TTC23: variants seen among roughly 807,000 people sequenced by gnomAD.
TTC23 encodes the protein tetratricopeptide repeat protein 23.
In TTC23, 58 loss-of-function variants were observed where a neutral mutation model predicts 55.1. That is an observed-to-expected ratio of 1.05 (90% CI 0.85 to 1.31). The LOEUF is 1.31. TTC23 is among the 50% of genes most tolerant of loss of function. The pLI, the probability that TTC23 is intolerant of heterozygous loss-of-function variation, is 0.00. For synonymous variants in TTC23, 203 were observed against 199.9 expected, an observed-to-expected ratio of 1.02 and a Z score of -0.13; for missense variants, 516 against 534.4, an observed-to-expected ratio of 0.97 and a Z score of 0.34.
At chr15:99,202,047 C>A (rs1343360695) in intron 8 of TTC23, among the ~76,000 whole-genome samples, 1 of 152,142 alleles carries the variant, frequency 6.6e-6, no homozygotes, top group Non-Finnish European at 1.5e-5. Flanking sequence ...CATGCCCATT[C>A]GTTTACATAT....
At chr15:99,152,995 C>T (rs943798876) in intron 12 of TTC23, among the ~76,000 whole-genome samples, 7 of 152,256 alleles carry the variant, frequency 4.6e-5, no homozygotes, top group Non-Finnish European at 5.9e-5. Context: ...GACAGGGTTT[C>T]GCTGTGTTGG....
chr15:99,192,247 G>C (rs1211103019), intron 9 of TTC23, among the ~76,000 whole-genome samples: 1 of 152,210 alleles, frequency 6.6e-6, no homozygotes, highest in Non-Finnish European at 1.5e-5. Context: ...CAAGCCAGCT[G>C]CAGGTAATGA....
chr15:99,182,236 TCTCTCTCTCTCTCACA>T (rs1196297770), intron 9 of TTC23, among the ~76,000 whole-genome samples: 4 of 106,674 alleles, frequency 3.7e-5, no homozygotes, highest in Non-Finnish European at 5.6e-5. Flanking sequence ...TCTCTCTCTC[TCTCTCTCTCTCTCACA>T]CACACACACA....
At chr15:99,216,157 C>T (rs2077461380) in intron 8 of TTC23, among the ~76,000 whole-genome samples, 1 of 152,186 alleles carries the variant, frequency 6.6e-6, no homozygotes, top group African/African-American at 2.4e-5. Flanking sequence ...TGAAAACTCT[C>T]ATACCTGCAA....
At chr15:99,216,197 T>C (rs1333823358) in intron 8 of TTC23, among the ~76,000 whole-genome samples, 1 of 152,202 alleles carries the variant, frequency 6.6e-6, no homozygotes, top group African/African-American at 2.4e-5. Context: ...GAATAATCCT[T>C]GGACTAAAGA....
At chr15:99,191,610 T>G (rs150710675) in intron 9 of TTC23, among the ~76,000 whole-genome samples, 1 of 152,240 alleles carries the variant, frequency 6.6e-6, no homozygotes, top group South Asian at 2.1e-4. Context: ...CCTTGCCTTC[T>G]ACCATGATTG....
At position 99,145,700 on chromosome 15, in the gene TTC23, T is replaced by C. The variant is rs199594602; in HGVS notation, c.1144-6301A>G. On this transcript the variant is annotated intron_variant, in intron 12 of 13. Coordinates refer to ENST00000394132, the MANE Select transcript of TTC23 (RefSeq NM_001288615.3). ...TCTCTCTGTCTCTGTCTCTCTCTCT[T>C]TCTTTCTCTGTCTGTCCCTCTCACC... 1.6e-4 allele frequency among the ~76,000 whole-genome samples: 25 copies of C among 152,186 alleles called. No individual in the cohort carries two copies. The East Asian group carries it at 4.6e-3, about 28-fold the overall frequency.
At chr15:99,244,555 G>A (rs940351630) in intron 2 of TTC23, among the ~76,000 whole-genome samples, 1 of 152,076 alleles carries the variant, frequency 6.6e-6, no homozygotes, top group Non-Finnish European at 1.5e-5. Flanking sequence ...ATAGGATAAA[G>A]AGAATAAATA....
At chr15:99,207,718 C>T (rs2076736313) in intron 8 of TTC23, among the ~76,000 whole-genome samples, 1 of 152,196 alleles carries the variant, frequency 6.6e-6, no homozygotes, top group Non-Finnish European at 1.5e-5. Context: ...GATCATGCCA[C>T]TGCACTCCAC....
chr15:99,232,989 C>G (rs1181697763), intron 4 of TTC23, among the ~76,000 whole-genome samples: 2 of 152,138 alleles, frequency 1.3e-5, no homozygotes, highest in African/African-American at 2.4e-5. Context: ...TTTGTGACAA[C>G]ATGATGAACC....
chr15:99,203,362 T>C (rs1289580710), intron 8 of TTC23, among the ~76,000 whole-genome samples: 1 of 152,072 alleles, frequency 6.6e-6, no homozygotes, highest in African/African-American at 2.4e-5. Flanking sequence ...AATAATTGTA[T>C]ATATGTATGG....
At chr15:99,242,765 A>C (rs967742901) in intron 2 of TTC23, among the ~76,000 whole-genome samples, 2 of 152,204 alleles carry the variant, frequency 1.3e-5, no homozygotes, top group Non-Finnish European at 2.9e-5. Context: ...CAGAAAACAC[A>C]TTTGGCAAAA....
chr15:99,232,156 G>GA (rs916669484), intron 4 of TTC23, among the ~76,000 whole-genome samples: 1 of 151,622 alleles, frequency 6.6e-6, no homozygotes, highest in African/African-American at 2.4e-5. Flanking sequence ...TTTAAAAATA[G>GA]AAAAAAGCTT....
chr15:99,167,452 A>G (rs1019526464), intron 10 of TTC23, among the ~76,000 whole-genome samples: 1 of 152,206 alleles, frequency 6.6e-6, no homozygotes, highest in Admixed American at 6.5e-5. Flanking sequence ...AAGGCCACGA[A>G]TCTTCTATTT....
chr15:99,217,306 C>A (rs573864077), intron 8 of TTC23, among the ~76,000 whole-genome samples: 4 of 151,762 alleles, frequency 2.6e-5, no homozygotes, highest in Non-Finnish European at 4.4e-5. Flanking sequence ...TATAGGCATG[C>A]GCCACCACGC....
chr15:99,156,889 A>G (rs2151883251), intron 11 of TTC23, among the ~76,000 whole-genome samples: 1 of 152,316 alleles, frequency 6.6e-6, no homozygotes, highest in Non-Finnish European at 1.5e-5. Context: ...ACAGGAATCC[A>G]TTTCAGTTGA....
chr15:99,246,853 G>T (rs528531489), intron 1 of TTC23, among the ~76,000 whole-genome samples: 30 of 152,250 alleles, frequency 2.0e-4, no homozygotes, highest in South Asian at 2.1e-4. Context: ...CCGGAAGGTG[G>T]ACATTGCAGT....
At chr15:99,143,181 A>AGAT (rs2068446118) in intron 12 of TTC23, among the ~76,000 whole-genome samples, 1 of 152,256 alleles carries the variant, frequency 6.6e-6, no homozygotes, top group Non-Finnish European at 1.5e-5. Context: ...ACTCTTCCAA[A>AGAT]GATAGCTTTT....
At chr15:99,139,247 A>G in intron 13 of TTC23, 70 bp downstream of exon 13, 4 of 1,573,758 alleles carry the variant, frequency 2.5e-6, no homozygotes, top group Non-Finnish European at 3.4e-6. Context: ...ACCTTCTAGA[A>G]CCAGCTTTCT....
Sources: gnomAD v4.1 joint callset for allele counts (sites outside exome capture counted in the v4.1 genomes callset) on GRCh38, gnomAD v4.1.1 for gene constraint, MANE v1.5 for transcripts, NCBI Gene and HGNC (gene_info 2026-07-23, HGNC 2026-07-21) for gene names.